The following GMPS variants were observed in gnomAD, a reference collection of about 807,000 sequenced individuals.
GMPS encodes GMP synthase [glutamine-hydrolyzing].
GMPS carries 15 observed loss-of-function variants against 77.9 expected under a neutral mutation model. That is an observed-to-expected ratio of 0.19 (90% CI 0.13 to 0.30). The LOEUF is 0.30. Ranked by LOEUF, GMPS falls within the 10% of genes least tolerant of loss-of-function variation. The probability of loss-of-function intolerance (pLI) is 1.00; values close to 1 mark genes in which losing one functional copy is unlikely to be tolerated. For missense variants in GMPS, 590 were observed against 838.8 expected, an observed-to-expected ratio of 0.70 and a Z score of 3.66; for synonymous variants, 224 against 275.9, an observed-to-expected ratio of 0.81 and a Z score of 1.86.
At chr3:155,896,985 T>C (rs1365796295) in intron 2 of GMPS, among the ~76,000 whole-genome samples, 1 of 152,084 alleles carries the variant, frequency 6.6e-6, no homozygotes, top group Non-Finnish European at 1.5e-5. Flanking sequence ...ATAAAGGGCC[T>C]AAGTATACCT....
chr3:155,892,867 G>A (rs1235134816), intron 1 of GMPS, among the ~76,000 whole-genome samples: 3 of 152,166 alleles, frequency 2.0e-5, no homozygotes, highest in Non-Finnish European at 4.4e-5. Flanking sequence ...CGTGACCTCA[G>A]GTAATCCACC....
In GMPS at chr3:155,928,019, C is replaced by CTTTTTTTTT. The variant is rs35962523; in HGVS notation, c.1560+2670_1560+2678dup. On this transcript the variant is annotated intron_variant, in intron 12 of 15. Transcript: ENST00000496455. Reference sequence around the variant, plus strand: ...ATTTTATGTGCATGTGCATTTTACACTTTTTTTTTTTTTTTTTTTTTTTTT... The same window carrying CTTTTTTTTT: ...ATTTTATGTGCATGTGCATTTTACACTTTTTTTTTTTTTTTTTTTTTTTTTTTTTTTTTT... Among the ~76,000 whole-genome samples, 89 of 67,846 alleles carry CTTTTTTTTT rather than the reference C, an allele frequency of 1.3e-3. 2 individuals carry two copies. The highest frequency in any genetic ancestry group is 2.2e-3 in the African/African-American group (34 of 15,642). The allele number at this position is 67,846 out of a possible 152,430, so 44.5% of individuals were successfully genotyped here.
intron 2 of GMPS, among the ~76,000 whole-genome samples, chr3:155,896,041 G>A (rs555089682): frequency 4.0e-5 from 6 of 149,364 alleles, no homozygotes; most frequent in African/African-American, 7.4e-5. Flanking sequence ...ACGGAGTCTC[G>A]CTCTGTCACC....
chr3:155,874,144 G>A (rs401514), intron 1 of GMPS, among the ~76,000 whole-genome samples: 119,849 of 152,090 alleles, frequency 0.79, 47,375 homozygotes, highest in Middle Eastern at 0.82. Context: ...TATTATGGCA[G>A]GGGTGTATTT....
In GMPS at chr3:155,937,950, T is replaced by C. The variant is rs908630945; in HGVS notation, c.*258T>C. ...ACTGCTTTTGCCTTTGCCTCACTTATTCTTTATGTATAAATTCACTGTTGA... is the reference window on the plus strand; with the variant it reads ...ACTGCTTTTGCCTTTGCCTCACTTACTCTTTATGTATAAATTCACTGTTGA... On this transcript the variant is annotated 3_prime_UTR_variant, in exon 16 of 16. Coordinates refer to ENST00000496455, the MANE Select transcript of GMPS (RefSeq NM_003875.3). 5 of 365,090 alleles carry C rather than the reference T, an allele frequency of 1.4e-5. No individual in the cohort carries two copies. The highest frequency in any genetic ancestry group is 1.0e-4 in the African/African-American group (5 of 48,670). 22.6% of individuals were successfully genotyped at this position (365,090 alleles called of 1,614,324 possible).
chr3:155,910,245 T>TCAAAA lies in GMPS; in HGVS notation c.527-431_527-427dup, dbSNP rs1241780174. The stretch of plus-strand genomic sequence containing the variant: ...CTGGGCAACAGAGCGAGACTCCGTC[T>TCAAAA]CAAAACAAAACAAAACAAAAAACAA... On this transcript the variant is annotated intron_variant, in intron 5 of 15. Transcript: ENST00000496455. Among the ~76,000 whole-genome samples, 5 of 151,428 alleles carry TCAAAA rather than the reference T, an allele frequency of 3.3e-5. No homozygotes were observed. In the South Asian group the frequency reaches 6.3e-4, roughly 19 times the overall value.
chr3:155,916,169 C>T lies in GMPS; in HGVS notation c.1189C>T (p.Leu397Phe), dbSNP rs1354251876. ...CAAAACCCATCACAATGACACAGAG[C>T]TCATCAGAAAGTTGAGAGAGGAGGT... ...LIKTHHNDTE[L>F]IRKLREEGKV... Residue 397 changes from leucine to phenylalanine, a missense_variant, in exon 9 of 16, where the codon CTC becomes TTC. Physicochemically the swap from Leu to Phe is conservative, Grantham distance 22 (BLOSUM62 0). Coordinates refer to ENST00000496455, the MANE Select transcript of GMPS (RefSeq NM_003875.3). The T allele has an allele frequency of 6.2e-7, 1 of 1,610,416 alleles. No homozygotes were observed.
intron 7 of GMPS, among the ~76,000 whole-genome samples, chr3:155,911,839 CAAA>C (rs200105245): frequency 7.9e-5 from 6 of 75,778 alleles, no homozygotes; most frequent in Non-Finnish European, 8.4e-5. Flanking sequence ...AACTCCATCT[CAAA>C]AAAAAAAAAA....
intron 1 of GMPS, among the ~76,000 whole-genome samples, chr3:155,882,357 A>G (rs1359662575): frequency 2.6e-5 from 4 of 152,258 alleles, no homozygotes; most frequent in African/African-American, 7.2e-5. Flanking sequence ...GCAGTTATCA[A>G]CATGTGACCA....
At position 155,914,460 on chromosome 3, in the gene GMPS, C is replaced by T. The variant is rs780794560; in HGVS notation, c.928C>T (p.Leu310=). The change falls in exon 8 of 16, where the codon CTA becomes TTA. Residue 310 remains leucine, a synonymous_variant. Coordinates refer to ENST00000496455, the MANE Select transcript of GMPS (RefSeq NM_003875.3). ...TTCTTTCTACAATGGAACAACAACCCTACCAATATCAGATGAAGATAGAAC... is the reference window on the plus strand; with the variant it reads ...TTCTTTCTACAATGGAACAACAACCTTACCAATATCAGATGAAGATAGAAC... ...AHSFYNGTTT[L]PISDEDRTPR... 8 of 1,596,898 alleles carry T rather than the reference C, an allele frequency of 5.0e-6. No homozygotes were observed. Among genetic ancestry groups the T allele is most frequent in the Non-Finnish European group, 6.8e-6 (8 of 1,173,532 alleles).
In GMPS at chr3:155,941,874, T is replaced by G; in HGVS notation, c.*4182T>G. 4.7e-6 allele frequency: 1 copy of G among 213,874 alleles called. No homozygotes were observed. 13.2% of individuals were successfully genotyped at this position (213,874 alleles called of 1,614,324 possible). A position where few individuals can be genotyped will look rare whatever the true frequency, so the allele number is the denominator to read the frequency against. The stretch of plus-strand genomic sequence containing the variant: ...TTTCACTTAATGGCAAGTGAAGAGA[T>G]ATAGAATCCCCCAAAGAGTGTCAAG... On this transcript the variant is annotated 3_prime_UTR_variant, in exon 16 of 16. Coordinates refer to ENST00000496455, the MANE Select transcript of GMPS (RefSeq NM_003875.3).
Position 155,870,741 on chromosome 3 carries a change from C to T in GMPS, c.-130C>T. On this transcript the variant is annotated 5_prime_UTR_variant, in exon 1 of 16. Transcript: ENST00000496455. The stretch of plus-strand genomic sequence containing the variant: ...TCGGCGCTTTTCTGGCGGCTGGCTC[C>T]TCTCCGCTGCCGGCTGCTCCTCGAC... 1.6e-6 allele frequency: 1 copy of T among 628,102 alleles called. No homozygotes were observed. The highest frequency in any genetic ancestry group is 1.8e-5 in the South Asian group (1 of 54,956). 38.9% of individuals were successfully genotyped at this position (628,102 alleles called of 1,614,324 possible). A position where few individuals can be genotyped will look rare whatever the true frequency, so the allele number is the denominator to read the frequency against.
At chr3:155,897,478 G>A (rs537178241) in intron 2 of GMPS, among the ~76,000 whole-genome samples, 4 of 152,148 alleles carry the variant, frequency 2.6e-5, no homozygotes, top group Non-Finnish European at 5.9e-5. Context: ...GCCGTCTTTT[G>A]TTGTAGAGTA....
At chr3:155,919,369 C>G (rs1223330018) in intron 10 of GMPS, 31 bp downstream of exon 10, 1 of 1,023,048 alleles carries the variant, frequency 9.8e-7, no homozygotes, top group South Asian at 1.4e-5. Context: ...TTGTTTGATT[C>G]ATCTTTAGAC....
chr3:155,924,452 A>G (rs1387091710), intron 11 of GMPS, among the ~76,000 whole-genome samples: 2 of 152,228 alleles, frequency 1.3e-5, no homozygotes, highest in African/African-American at 2.4e-5. Flanking sequence ...AAGGAATTCA[A>G]AGATGTCTGT....
chr3:155,898,716 T>A (rs1294735400), intron 3 of GMPS, among the ~76,000 whole-genome samples: 2 of 152,216 alleles, frequency 1.3e-5, no homozygotes, highest in African/African-American at 4.8e-5. Context: ...AACTTTGGTT[T>A]CTGTGATGAT....
chr3:155,916,564 C>G (rs1316198553), intron 9 of GMPS, among the ~76,000 whole-genome samples: 1 of 152,148 alleles, frequency 6.6e-6, no homozygotes, highest in African/African-American at 2.4e-5. Context: ...GTAATGTTTT[C>G]AAGGTTCATC....
intron 1 of GMPS, among the ~76,000 whole-genome samples, chr3:155,892,901 G>A (rs1368038600): frequency 1.3e-5 from 2 of 152,146 alleles, no homozygotes; most frequent in South Asian, 4.1e-4. Context: ...CAAAGTGCTG[G>A]GATTACAGGC....
At chr3:155,935,189 T>G (rs1362861275) in intron 14 of GMPS, 143 bp downstream of exon 14, 1 of 691,042 alleles carries the variant, frequency 1.4e-6, no homozygotes, top group Non-Finnish European at 2.5e-6. Context: ...GATGTTGCTT[T>G]TTTTTCTTGA....
Sources: allele counts gnomAD v4.1 joint callset (sites outside exome capture counted in the v4.1 genomes callset), GRCh38; gene constraint gnomAD v4.1.1; transcripts MANE v1.5; gene names NCBI Gene and HGNC (gene_info 2026-07-23, HGNC 2026-07-21).